Variants in C8orf34 observed in about 807,000 individuals in gnomAD.
C8orf34 encodes the protein uncharacterized protein C8orf34.
A neutral mutation model predicts 68.3 loss-of-function variants in C8orf34; 65 were observed. The observed-to-expected ratio is 0.95, with a 90% confidence interval of 0.78 to 1.17. The LOEUF (loss-of-function observed/expected upper bound fraction) is 1.17. Among genes scored for constraint, C8orf34 ranks in the 50% most tolerant of loss-of-function variants. The pLI is 0.00. For missense variants in C8orf34, 664 were observed against 655.4 expected (o/e 1.01, Z -0.14); for synonymous variants, 244 against 241.2 (o/e 1.01, Z -0.11).
intron 7 of C8orf34, among the ~76,000 whole-genome samples, chr8:68,627,426 C>T (rs998683128): frequency 1.3e-5 from 2 of 152,276 alleles, no homozygotes; most frequent in East Asian, 3.9e-4. Context: ...CCAGGCAAGG[C>T]ATAACCCTCC....
At chr8:68,396,894 C>T (rs1808737479) in intron 1 of C8orf34, among the ~76,000 whole-genome samples, 1 of 151,998 alleles carries the variant, frequency 6.6e-6, no homozygotes, top group Non-Finnish European at 1.5e-5. Flanking sequence ...GCCTGCAGAA[C>T]TGTGAGCCAA....
At position 68,522,721 on chromosome 8, in the gene C8orf34, G is replaced by A. The variant is rs1814809224; in HGVS notation, c.938+750G>A. 2.6e-5 allele frequency among the ~76,000 whole-genome samples: 4 copies of A among 152,142 alleles called. No individual in the cohort carries two copies. The South Asian group carries it at 8.3e-4, about 32-fold the overall frequency. The stretch of plus-strand genomic sequence containing the variant: ...AACGAGTAAAACTCAAAACAAAAAT[G>A]AAAATTTCTGCAAAGTATCTGGGGT... On this transcript the variant is annotated intron_variant, in intron 6 of 13. Transcript: ENST00000518698.
chr8:68,470,676 G>A (rs1812342884), intron 4 of C8orf34, among the ~76,000 whole-genome samples: 1 of 152,046 alleles, frequency 6.6e-6, no homozygotes, highest in Non-Finnish European at 1.5e-5. Flanking sequence ...TAAAATCCAG[G>A]TGCTGACACC....
At chr8:68,749,661 C>G (rs1402832484) in intron 10 of C8orf34, among the ~76,000 whole-genome samples, 1 of 152,064 alleles carries the variant, frequency 6.6e-6, no homozygotes, top group Non-Finnish European at 1.5e-5. Context: ...ATACATTTGC[C>G]TATTCTAGAA....
chr8:68,765,373 C>T (rs770013157), intron 10 of C8orf34, among the ~76,000 whole-genome samples: 1 of 152,172 alleles, frequency 6.6e-6, no homozygotes, highest in African/African-American at 2.4e-5. Flanking sequence ...TCTGACAGTA[C>T]GTAGAGTCTA....
Position 68,459,508 on chromosome 8 carries a change from G to A in C8orf34, c.608-9184G>A, listed in dbSNP as rs1811697501. ...GGCCTCCCAAAGTGTTGGGATTACA[G>A]GCGTGAGCCACCGTGCCCGGCTGAA... On this transcript the variant is annotated intron_variant, in intron 3 of 13. Transcript: ENST00000518698. Among the ~76,000 whole-genome samples, 3 of 152,248 alleles carry A rather than the reference G, an allele frequency of 2.0e-5. No individual in the cohort carries two copies. The South Asian group carries it at 6.2e-4, about 32-fold the overall frequency.
At chr8:68,487,254 G>C (rs1359255679) in intron 4 of C8orf34, among the ~76,000 whole-genome samples, 1 of 152,166 alleles carries the variant, frequency 6.6e-6, no homozygotes, top group African/African-American at 2.4e-5. Context: ...TTCAGGAAAG[G>C]ACCCCTATCC....
At chr8:68,449,918 T>C (rs1811276902) in intron 3 of C8orf34, among the ~76,000 whole-genome samples, 1 of 152,120 alleles carries the variant, frequency 6.6e-6, no homozygotes, top group Admixed American at 6.6e-5. Flanking sequence ...TTATTCATAA[T>C]ATGTGATGCT....
intron 1 of C8orf34, among the ~76,000 whole-genome samples, chr8:68,388,127 T>A (rs1238735716): frequency 6.6e-6 from 1 of 152,190 alleles, no homozygotes; most frequent in Non-Finnish European, 1.5e-5. Context: ...CAAGACCAAT[T>A]TTGGTCTTAT....
chr8:68,787,422 A>G (rs1473303712), intron 11 of C8orf34, 21 bp from the exon 12 acceptor site: 2 of 1,578,916 alleles, frequency 1.3e-6, no homozygotes, highest in East Asian at 4.5e-5. Context: ...TTTAATCTAA[A>G]ATAAATGTGT....
intron 1 of C8orf34, among the ~76,000 whole-genome samples, chr8:68,383,233 A>T (rs1424604167): frequency 6.6e-6 from 1 of 152,158 alleles, no homozygotes; most frequent in African/African-American, 2.4e-5. Flanking sequence ...AATTTTATTG[A>T]AAATTCTGAA....
At chr8:68,395,864 T>C (rs1332001428) in intron 1 of C8orf34, among the ~76,000 whole-genome samples, 2 of 152,118 alleles carry the variant, frequency 1.3e-5, no homozygotes, top group Non-Finnish European at 2.9e-5. Context: ...ATATTCTATC[T>C]GAAGTGTTCA....
chr8:68,501,679 T>A (rs901045904), intron 5 of C8orf34, among the ~76,000 whole-genome samples: 3 of 152,200 alleles, frequency 2.0e-5, no homozygotes, highest in Non-Finnish European at 4.4e-5. Context: ...AAATTTCTTT[T>A]AGCCACTGTG....
At chr8:68,726,016 C>T (rs1277817545) in intron 10 of C8orf34, among the ~76,000 whole-genome samples, 1 of 152,108 alleles carries the variant, frequency 6.6e-6, no homozygotes, top group African/African-American at 2.4e-5. Context: ...TCAAGCAATT[C>T]TCATGGCTCT....
At chr8:68,634,168 A>T (rs1183642194) in intron 7 of C8orf34, among the ~76,000 whole-genome samples, 3 of 152,234 alleles carry the variant, frequency 2.0e-5, no homozygotes, top group South Asian at 4.1e-4. Context: ...CTCTGTCTCA[A>T]TTTTTTTGTC....
intron 7 of C8orf34, chr8:68,533,713 CT>C (rs1815347094): frequency 1.1e-6 from 1 of 950,948 alleles, no homozygotes; most frequent in African/African-American, 1.8e-5. Flanking sequence ...TGTAGGATAT[CT>C]TTTTATATTT....
intron 3 of C8orf34, among the ~76,000 whole-genome samples, chr8:68,463,601 C>G (rs142184845): frequency 0.098 from 14,900 of 152,048 alleles, 1,216 homozygotes; most frequent in African/African-American, 0.22. Context: ...CCATGATCAA[C>G]TGGGCTTCAT....
chr8:68,589,863 G>A (rs1354828341), intron 7 of C8orf34, among the ~76,000 whole-genome samples: 1 of 139,430 alleles, frequency 7.2e-6, no homozygotes, highest in African/African-American at 2.8e-5. Context: ...AGAAATGAGT[G>A]AGGGAGGGAG....
chr8:68,348,513 G>A (rs1806375724), intron 1 of C8orf34, among the ~76,000 whole-genome samples: 1 of 152,010 alleles, frequency 6.6e-6, no homozygotes, highest in Non-Finnish European at 1.5e-5. Context: ...ATTGTTGGCA[G>A]TTTGATAGGA....
Sources: allele counts gnomAD v4.1 joint callset (sites outside exome capture counted in the v4.1 genomes callset), GRCh38; gene constraint gnomAD v4.1.1; transcripts MANE v1.5; gene names NCBI Gene and HGNC (gene_info 2026-07-23, HGNC 2026-07-21).